The following CRMP1 variants were observed in gnomAD, a reference collection of about 807,000 sequenced individuals.
CRMP1 encodes the protein collapsin response mediator protein 1.
A neutral mutation model predicts 68.3 loss-of-function variants in CRMP1; 19 were observed. The observed-to-expected ratio is 0.28, with a 90% CI of 0.19 to 0.41. The LOEUF (loss-of-function observed/expected upper bound fraction) is 0.41, where lower values mean the gene tolerates loss of function less well. Ranked by LOEUF, CRMP1 falls within the 10% of genes least tolerant of loss-of-function variation. The probability of loss-of-function intolerance (pLI) is 1.00; values close to 1 mark genes in which losing one functional copy is unlikely to be tolerated. For synonymous variants in CRMP1, 439 were observed against 399.6 expected, an observed-to-expected ratio of 1.10 and a Z score of -1.18; for missense variants, 791 against 967.4, an observed-to-expected ratio of 0.82 and a Z score of 2.42.
rs1246162551 is a variant in CRMP1 at position 5,842,670 on chromosome 4, ACACACACT to A, written c.1032+415_1032+422del. On this transcript the variant is annotated intron_variant, in intron 7 of 13. Coordinates refer to ENST00000324989, the MANE Select transcript of CRMP1 (RefSeq NM_001014809.3). The surrounding 1 kb of genome is among the most constrained non-coding windows in gnomAD (Gnocchi z 4.5). ...CTCTCTCACACACACACACTAACAT[ACACACACT>A]CACACACACACATACACACACAGCC... Among the ~76,000 whole-genome samples, 1 of 151,198 alleles carries A rather than the reference ACACACACT, an allele frequency of 6.6e-6. No homozygotes were observed. The highest frequency in any genetic ancestry group is 2.4e-5 in the African/African-American group (1 of 40,968).
At position 5,831,183 on chromosome 4, in the gene CRMP1, C is replaced by G. The variant is rs76858227; in HGVS notation, c.1624-2515G>C. Among the ~76,000 whole-genome samples, 204 of 152,198 alleles carry G rather than the reference C, an allele frequency of 1.3e-3. 2 individuals carry two copies. In the East Asian group the frequency reaches 0.03, roughly 23 times the overall value. ...CAGTTTGGTTTCAAACTCCTAGCCTCAAGTCCCCCTACCTGAGCCTCCCAA... is the reference window on the plus strand; with the variant it reads ...CAGTTTGGTTTCAAACTCCTAGCCTGAAGTCCCCCTACCTGAGCCTCCCAA... On this transcript the variant is annotated intron_variant, in intron 11 of 13. Coordinates refer to ENST00000324989, the MANE Select transcript of CRMP1 (RefSeq NM_001014809.3).
rs139205891 is a variant in CRMP1, at chr4:5,868,715, A to G, written c.382-1959T>C. On this transcript the variant is annotated intron_variant, in intron 1 of 13. Transcript: ENST00000324989. ...TTACTGAAGTGATTTTCTGTTTTGT[A>G]CAGTGATACGTATTTTGCTGCAATG... Among the ~76,000 whole-genome samples, 512 of 152,306 alleles carry G rather than the reference A, an allele frequency of 3.4e-3. 1 individual carries two copies. Among genetic ancestry groups the G allele is most frequent in the African/African-American group, 0.011 (478 of 41,572 alleles).
chr4:5,871,416 T>G (rs549551223), intron 1 of CRMP1, among the ~76,000 whole-genome samples: 110 of 152,198 alleles, frequency 7.2e-4, no homozygotes, highest in African/African-American at 2.5e-3. Context: ...ATCCCAGCAC[T>G]TTGGGAGGCT....
In CRMP1 at chr4:5,892,502, G is replaced by T. The variant is rs772222934; in HGVS notation, c.381+87C>A. ...TGGCGGCCGCTGCCCCAACACCGGG[G>T]CCCGGGCATGGCCCTCGGGCGCCCC... is the stretch of plus-strand genomic sequence containing the variant. On this transcript the variant is annotated intron_variant, in intron 1 of 13. Coordinates refer to ENST00000324989, the MANE Select transcript of CRMP1 (RefSeq NM_001014809.3). This position sits in a 1 kb window ranked among gnomAD's most constrained non-coding sequence, Gnocchi z 8.6. The T allele has an allele frequency of 3.0e-5, 34 of 1,126,836 alleles. No homozygotes were observed. Among genetic ancestry groups the T allele is most frequent in the Non-Finnish European group, 3.6e-5 (33 of 916,458 alleles). 69.8% of individuals were successfully genotyped at this position (1,126,836 alleles called of 1,614,324 possible).
Position 5,842,886 on chromosome 4 carries a change from C to T in CRMP1, c.1032+207G>A, listed in dbSNP as rs963640105. On this transcript the variant is annotated intron_variant, in intron 7 of 13. Coordinates refer to ENST00000324989, the MANE Select transcript of CRMP1 (RefSeq NM_001014809.3). The surrounding 1 kb of genome is among the most constrained non-coding windows in gnomAD (Gnocchi z 4.5). ...CCCACGGGGCCTTGGAGTGAAGTTC[C>T]AGGACCCTGGGAGAGGCAGCACCTC... 6.6e-6 allele frequency among the ~76,000 whole-genome samples: 1 copy of T among 152,174 alleles called. No individual in the cohort carries two copies. The highest frequency in any genetic ancestry group is 2.1e-4 in the South Asian group (1 of 4,826).
At chr4:5,839,365 C>A (rs1711531138) in intron 9 of CRMP1, among the ~76,000 whole-genome samples, 157 bp downstream of exon 9, 1 of 152,206 alleles carries the variant, frequency 6.6e-6, no homozygotes, top group African/African-American at 2.4e-5. Flanking sequence ...TCCGTGAGGG[C>A]CTGTTGTAAG....
Position 5,861,293 on chromosome 4 carries a change from A to G in CRMP1, c.471-83T>C. ...CAACCCGCAGCTTCAGTTCCATGAA[A>G]TAAACATTTCTGAGCCAGGCCCTTC... On this transcript the variant is annotated intron_variant, in intron 2 of 13. Transcript: ENST00000324989. This position sits in a 1 kb window ranked among gnomAD's most constrained non-coding sequence, Gnocchi z 6.0. 3.5e-6 allele frequency: 5 copies of G among 1,418,172 alleles called. No individual in the cohort carries two copies. The highest frequency in any genetic ancestry group is 3.6e-4 in the Middle Eastern group (2 of 5,556). 87.8% of individuals were successfully genotyped at this position (1,418,172 alleles called of 1,614,324 possible).
At chr4:5,887,514 A>C (rs1715673336) in intron 1 of CRMP1, 12 of 984,954 alleles carry the variant, frequency 1.2e-5, no homozygotes, top group Non-Finnish European at 1.3e-5. Flanking sequence ...GACAAAGCGT[A>C]AAGACGGGGA....
chr4:5,842,628 A>T lies in CRMP1; in HGVS notation c.1032+465T>A, dbSNP rs1487874893. Among the ~76,000 whole-genome samples, 5 of 145,380 alleles carry T rather than the reference A, an allele frequency of 3.4e-5. No individual in the cohort carries two copies. The highest frequency in any genetic ancestry group is 1.4e-4 in the Admixed American group (2 of 14,674). ...CACACACACACACACTCACTCACAC[A>T]CACACACACGCACTGTCTCTCTCAC... On this transcript the variant is annotated intron_variant, in intron 7 of 13. Transcript: ENST00000324989. This position sits in a 1 kb window ranked among gnomAD's most constrained non-coding sequence, Gnocchi z 4.5.
In CRMP1 at chr4:5,843,429, A is replaced by G. The variant is rs1711940482; in HGVS notation, c.964-268T>C. 6.6e-6 allele frequency among the ~76,000 whole-genome samples: 1 copy of G among 152,116 alleles called. No individual in the cohort carries two copies. The highest frequency in any genetic ancestry group is 1.5e-5 in the Non-Finnish European group (1 of 68,010). On this transcript the variant is annotated intron_variant, in intron 6 of 13. Coordinates refer to ENST00000324989, the MANE Select transcript of CRMP1 (RefSeq NM_001014809.3). The surrounding 1 kb of genome is among the most constrained non-coding windows in gnomAD (Gnocchi z 4.1). ...GGGATCAATGAGAGGAAGCAGGGTT[A>G]TAAGACACGAGCTTCCAAGGCCACC...
chr4:5,828,958 G>T (rs936546636), intron 11 of CRMP1, among the ~76,000 whole-genome samples: 1 of 152,106 alleles, frequency 6.6e-6, no homozygotes, highest in Non-Finnish European at 1.5e-5. Flanking sequence ...CAATGTGGCT[G>T]CTTTGACTGT....
chr4:5,843,009 G>A lies in CRMP1; in HGVS notation c.1032+84C>T. On this transcript the variant is annotated intron_variant, in intron 7 of 13. Coordinates refer to ENST00000324989, the MANE Select transcript of CRMP1 (RefSeq NM_001014809.3). This position sits in a 1 kb window ranked among gnomAD's most constrained non-coding sequence, Gnocchi z 4.1. ...GGACACGGGAAGAGGCCGGGTCCTG[G>A]CTGGGCTACTCCAGCTGGAACAGCA... 7.4e-7 allele frequency: 1 copy of A among 1,343,690 alleles called. No homozygotes were observed. The highest frequency in any genetic ancestry group is 1.1e-6 in the Non-Finnish European group (1 of 938,974). 83.2% of individuals were successfully genotyped at this position (1,343,690 alleles called of 1,614,324 possible).
At chr4:5,875,157 AG>A (rs1714721441) in intron 1 of CRMP1, among the ~76,000 whole-genome samples, 2 of 133,318 alleles carry the variant, frequency 1.5e-5, no homozygotes, top group African/African-American at 5.8e-5. Context: ...TAGCCTTTAA[AG>A]CTTCAGGCAT....
In CRMP1 at chr4:5,820,803, T is replaced by A. The variant is rs920689052; in HGVS notation, c.*957A>T. On this transcript the variant is annotated 3_prime_UTR_variant, in exon 14 of 14. Coordinates refer to ENST00000324989, the MANE Select transcript of CRMP1 (RefSeq NM_001014809.3). ...TCAGGTCAGTGGGCAGTTCATTTTCTTTATTTTTTCACAAGCTTTGAATTC... is the reference window on the plus strand; with the variant it reads ...TCAGGTCAGTGGGCAGTTCATTTTCATTATTTTTTCACAAGCTTTGAATTC... The A allele has an allele frequency of 2.2e-4, 29 of 130,248 alleles. No homozygotes were observed. The highest frequency in any genetic ancestry group is 9.1e-4 in the African/African-American group (28 of 30,934). 8.1% of individuals were successfully genotyped at this position (130,248 alleles called of 1,614,324 possible). A position where few individuals can be genotyped will look rare whatever the true frequency, so the allele number is the denominator to read the frequency against.
intron 1 of CRMP1, among the ~76,000 whole-genome samples, chr4:5,876,723 T>C (rs1015517798): frequency 2.0e-5 from 3 of 152,080 alleles, no homozygotes; most frequent in Non-Finnish European, 4.4e-5. Flanking sequence ...TTCAAGATGA[T>C]CGGTAGGCAT....
rs1384174056 is a variant in CRMP1 at position 5,842,216 on chromosome 4, C to T, written c.1033-788G>A. On this transcript the variant is annotated intron_variant, in intron 7 of 13. Transcript: ENST00000324989. This position sits in a 1 kb window ranked among gnomAD's most constrained non-coding sequence, Gnocchi z 4.5. ...TGGCGCCACTTCACTCCAGCCTGGG[C>T]GACAGAGCGAGACTCTGTCTCAAAA... Among the ~76,000 whole-genome samples the T allele has an allele frequency of 1.3e-5, 2 of 151,796 alleles. No homozygotes were observed. Among genetic ancestry groups the T allele is most frequent in the Non-Finnish European group, 2.9e-5 (2 of 67,956 alleles).
chr4:5,888,511 G>C lies in CRMP1; in HGVS notation c.381+4078C>G. 8.4e-7 allele frequency: 1 copy of C among 1,191,548 alleles called. No homozygotes were observed. The highest frequency in any genetic ancestry group is 1.0e-6 in the Non-Finnish European group (1 of 962,356). 73.8% of individuals were successfully genotyped at this position (1,191,548 alleles called of 1,614,324 possible). On this transcript the variant is annotated intron_variant, in intron 1 of 13. Transcript: ENST00000324989. This position sits in a 1 kb window ranked among gnomAD's most constrained non-coding sequence, Gnocchi z 6.4. ...GAGGGCGGGAGAAGGAGGAGGGAGA[G>C]GCGAGGGCGGGAGGAGGGGGCTGCA...
At position 5,866,941 on chromosome 4, in the gene CRMP1, T is replaced by C. The variant is rs1389554008; in HGVS notation, c.382-185A>G. 6.6e-6 allele frequency among the ~76,000 whole-genome samples: 1 copy of C among 152,204 alleles called. No individual in the cohort carries two copies. The highest frequency in any genetic ancestry group is 1.5e-5 in the Non-Finnish European group (1 of 68,022). ...CAATACTTCCTATTCTCCTTTCACCTTTCTCCCCTCTCACTTTGTTTTGTT... is the reference window on the plus strand; with the variant it reads ...CAATACTTCCTATTCTCCTTTCACCCTTCTCCCCTCTCACTTTGTTTTGTT... On this transcript the variant is annotated intron_variant, in intron 1 of 13. Coordinates refer to ENST00000324989, the MANE Select transcript of CRMP1 (RefSeq NM_001014809.3). This position sits in a 1 kb window ranked among gnomAD's most constrained non-coding sequence, Gnocchi z 5.9.
chr4:5,891,235 T>C lies in CRMP1; in HGVS notation c.381+1354A>G, dbSNP rs143701264. On this transcript the variant is annotated intron_variant, in intron 1 of 13. Transcript: ENST00000324989. The surrounding 1 kb of genome is among the most constrained non-coding windows in gnomAD (Gnocchi z 5.2). ...ACACCCTTGCTGTTGGACCTCTCCCTCGCGAGGCTCCGGCTTCAGGACCAC... is the reference window on the plus strand; with the variant it reads ...ACACCCTTGCTGTTGGACCTCTCCCCCGCGAGGCTCCGGCTTCAGGACCAC... 4.1e-3 allele frequency among the ~76,000 whole-genome samples: 572 copies of C among 140,652 alleles called. 4 individuals are homozygous for C. Among genetic ancestry groups the C allele is most frequent in the African/African-American group, 0.013 (509 of 38,884 alleles). 92.3% of individuals were successfully genotyped at this position (140,652 alleles called of 152,430 possible).
Sources: gnomAD v4.1 joint callset for allele counts (sites outside exome capture counted in the v4.1 genomes callset) on GRCh38, gnomAD v4.1.1 for gene constraint, Gnocchi (gnomAD v3.1) non-coding constraint, MANE v1.5 for transcripts, NCBI Gene and HGNC (gene_info 2026-07-23, HGNC 2026-07-21) for gene names.